The following USO1 variants were observed in gnomAD, a reference collection of about 807,000 sequenced individuals.
The protein encoded by USO1 is USO1 vesicle transport factor.
Under a neutral mutation model 124.5 loss-of-function variants are expected in USO1, and 57 were observed. That is an observed-to-expected ratio of 0.46 (90% CI 0.37 to 0.57). USO1 has a LOEUF of 0.57. Among genes scored for constraint, USO1 ranks in the 20% least tolerant of loss-of-function variants. The probability of loss-of-function intolerance (pLI) is 0.00; values close to 1 mark genes in which losing one functional copy is unlikely to be tolerated. For missense variants in USO1, 900 were observed against 1,040.6 expected (o/e 0.86, Z 1.86); for synonymous variants, 369 against 362.8 (o/e 1.02, Z -0.19).
chr4:75,749,202 C>T (rs1721226047), intron 1 of USO1, among the ~76,000 whole-genome samples: 1 of 152,042 alleles, frequency 6.6e-6, no homozygotes, highest in South Asian at 2.1e-4. Context: ...TTCGTATAAC[C>T]TTGTGTTTCC....
chr4:75,812,218 C>G lies in USO1; in HGVS notation c.2642C>G (p.Ser881Cys). The stretch of plus-strand genomic sequence containing the variant: ...GCCATTAAAGAGCAGCTGGATTCAT[C>G]TAATAGTACCATTGCCATTTTACAA... ...RTAIKEQLDS[S>C]NSTIAILQTE... Residue 881 changes from serine (S) to cysteine (C), a missense_variant, in exon 23 of 24, where the codon TCT becomes TGT. Around this residue, in one of 2 missense-constraint regions of USO1, gnomAD observed 362 missense variants for 359.0 expected, o/e 1.01. Transcript: ENST00000514213. 1 of 1,610,024 alleles carries G rather than the reference C, an allele frequency of 6.2e-7. No homozygotes were observed. The highest frequency in any genetic ancestry group is 8.5e-7 in the Non-Finnish European group (1 of 1,178,106).
intron 1 of USO1, among the ~76,000 whole-genome samples, chr4:75,738,990 T>C (rs1042893484): frequency 6.6e-6 from 1 of 151,820 alleles, no homozygotes; most frequent in Non-Finnish European, 1.5e-5. Flanking sequence ...GTAGCTGGGA[T>C]TACAGGTGCC....
At chr4:75,781,863 C>T (rs1012203682) in intron 8 of USO1, among the ~76,000 whole-genome samples, 5 of 152,278 alleles carry the variant, frequency 3.3e-5, no homozygotes, top group East Asian at 1.9e-4. Flanking sequence ...CAGCATCCAG[C>T]ATCAGTCAAT....
chr4:75,794,608 G>A (rs3796481), intron 13 of USO1, among the ~76,000 whole-genome samples: 82,123 of 152,032 alleles, frequency 0.54, 23,714 homozygotes, highest in East Asian at 0.81. Flanking sequence ...TTGACGTTTA[G>A]AGTCACTCAG....
Position 75,808,630 on chromosome 4 carries a change from A to G in USO1, c.2377-323A>G, listed in dbSNP as rs575475748. Among the ~76,000 whole-genome samples the G allele has an allele frequency of 8.6e-4, 129 of 150,610 alleles. 2 individuals are homozygous for G. The highest frequency in any genetic ancestry group is 7.8e-4 in the East Asian group (4 of 5,106). Reference sequence around the variant, plus strand: ...GTTACTTGCTTTCTCAAAATTCCCCAATTATATTGCTCTCTTCTCTTACTG... The same window carrying G: ...GTTACTTGCTTTCTCAAAATTCCCCGATTATATTGCTCTCTTCTCTTACTG... On this transcript the variant is annotated intron_variant, in intron 20 of 23. Coordinates refer to ENST00000514213, the MANE Select transcript of USO1 (RefSeq NM_003715.4).
chr4:75,759,901 ACT>A (rs1436113879), intron 4 of USO1, among the ~76,000 whole-genome samples: 1 of 147,142 alleles, frequency 6.8e-6, no homozygotes, highest in African/African-American at 2.5e-5. Flanking sequence ...ACAGAACAAG[ACT>A]CTGTCTTAAA....
At chr4:75,731,840 G>A (rs891488822) in intron 1 of USO1, among the ~76,000 whole-genome samples, 2 of 151,906 alleles carry the variant, frequency 1.3e-5, no homozygotes, top group African/African-American at 4.8e-5. Flanking sequence ...TGTCAGTTAA[G>A]TAGTTACTGA....
At chr4:75,758,080 C>T (rs576113254) in intron 4 of USO1, among the ~76,000 whole-genome samples, 1 of 152,208 alleles carries the variant, frequency 6.6e-6, no homozygotes, top group East Asian at 1.9e-4. Context: ...TTGAAATCCA[C>T]ACATTTCTTT....
At chr4:75,794,644 A>G (rs1577966839) in intron 13 of USO1, among the ~76,000 whole-genome samples, 2 of 152,200 alleles carry the variant, frequency 1.3e-5, no homozygotes, top group African/African-American at 4.8e-5. Flanking sequence ...GACTAAATCT[A>G]AAATTGTTCT....
chr4:75,781,277 A>G (rs941140924), intron 8 of USO1, among the ~76,000 whole-genome samples: 2 of 152,194 alleles, frequency 1.3e-5, no homozygotes, highest in African/African-American at 4.8e-5. Flanking sequence ...TTGCAATCTC[A>G]TGATCAAACT....
chr4:75,765,377 T>G (rs2149164102), intron 4 of USO1, among the ~76,000 whole-genome samples: 1 of 152,224 alleles, frequency 6.6e-6, no homozygotes, highest in East Asian at 1.9e-4. Context: ...GGTTCTGGGG[T>G]GGCTTAAAAA....
At chr4:75,746,090 G>A (rs186076217) in intron 1 of USO1, among the ~76,000 whole-genome samples, 157 of 152,230 alleles carry the variant, frequency 1.0e-3, no homozygotes, top group Non-Finnish European at 2.1e-3. Context: ...AGGGGACCAG[G>A]TCCTGCTTTT....
intron 1 of USO1, among the ~76,000 whole-genome samples, chr4:75,742,162 A>G (rs913289247): frequency 6.6e-6 from 1 of 152,224 alleles, no homozygotes; most frequent in Non-Finnish European, 1.5e-5. Flanking sequence ...AAAGTATAAT[A>G]TAGTAAATAC....
intron 1 of USO1, among the ~76,000 whole-genome samples, chr4:75,736,962 G>GT (rs778056550): frequency 9.8e-5 from 15 of 152,292 alleles, no homozygotes; most frequent in Non-Finnish European, 7.4e-5. Context: ...TCAAAGTCCA[G>GT]TTGGGGAGGT....
In USO1 at chr4:75,813,312, A is replaced by G; in HGVS notation, c.*17A>G. 2 of 1,572,512 alleles carry G rather than the reference A, an allele frequency of 1.3e-6. 1 individual carries two copies. The highest frequency in any genetic ancestry group is 2.4e-5 in the South Asian group (2 of 83,318). ...CATATCTAGTTTTCAAATCTCTAGGAACAATAGAGATTATATCATAACTCT... is the reference window on the plus strand; with the variant it reads ...CATATCTAGTTTTCAAATCTCTAGGGACAATAGAGATTATATCATAACTCT... On this transcript the variant is annotated 3_prime_UTR_variant, in exon 24 of 24. Coordinates refer to ENST00000514213, the MANE Select transcript of USO1 (RefSeq NM_003715.4).
intron 8 of USO1, among the ~76,000 whole-genome samples, chr4:75,780,403 A>C (rs1413272540): frequency 1.3e-5 from 2 of 150,644 alleles, no homozygotes; most frequent in Non-Finnish European, 3.0e-5. Flanking sequence ...AGTAGCTAAC[A>C]TTACAGGCAC....
At position 75,782,728 on chromosome 4, in the gene USO1, A is replaced by C; in HGVS notation, c.725A>C (p.Asn242Thr). The C allele has an allele frequency of 2.5e-6, 4 of 1,578,132 alleles. No homozygotes were observed. The highest frequency in any genetic ancestry group is 3.4e-6 in the Non-Finnish European group (4 of 1,161,694). The part of the protein sequence containing the change: ...CLILLQNLLK[N>T]NNSNQNFFKE... ...ATTTTGCTCCAAAACTTATTAAAAA[A>C]CAACAACTCCAATCAAAATTTTTTT... The change falls in exon 9 of 24, where the codon AAC becomes ACC. Residue 242 changes from asparagine (N) to threonine (T), a missense_variant. By Grantham distance (65) the Asn-to-Thr change is moderately conservative. Transcript: ENST00000514213.
chr4:75,798,799 T>G (rs1577969631), intron 13 of USO1, among the ~76,000 whole-genome samples: 1 of 152,006 alleles, frequency 6.6e-6, no homozygotes, highest in East Asian at 1.9e-4. Flanking sequence ...CTATTCTGAT[T>G]TTCATTATTT....
chr4:75,785,496 G>A (rs1476995673), intron 9 of USO1, among the ~76,000 whole-genome samples: 1 of 151,806 alleles, frequency 6.6e-6, no homozygotes, highest in South Asian at 2.1e-4. Context: ...TTCATTCTAG[G>A]GTAGTTTTAA....
Sources: allele counts gnomAD v4.1 joint callset (sites outside exome capture counted in the v4.1 genomes callset), GRCh38; gene constraint gnomAD v4.1.1; regional missense constraint gnomAD v4.1.1; transcripts MANE v1.5; gene names NCBI Gene and HGNC (gene_info 2026-07-23, HGNC 2026-07-21).